CDK5: variants seen among roughly 807,000 people sequenced by gnomAD.
The protein encoded by CDK5 is cyclin-dependent kinase 5.
CDK5 carries 18 observed loss-of-function variants against 44.6 expected under a neutral mutation model. The observed-to-expected ratio is 0.40, with a 90% CI of 0.28 to 0.60. The LOEUF (loss-of-function observed/expected upper bound fraction) is 0.60, where lower values mean the gene tolerates loss of function less well. CDK5 is among the 20% of genes least tolerant of loss of function. CDK5 has a pLI of 0.38. For missense variants in CDK5, 198 were observed against 368.1 expected, an observed-to-expected ratio of 0.54 and a Z score of 3.78; for synonymous variants, 143 against 152.8, an observed-to-expected ratio of 0.94 and a Z score of 0.47.
At position 151,056,980 on chromosome 7, in the gene CDK5, A is replaced by G. The variant is rs1796910433; in HGVS notation, c.127-5T>C. The G allele has an allele frequency of 6.2e-7, 1 of 1,613,858 alleles. No individual in the cohort carries two copies. The highest frequency in any genetic ancestry group is 8.5e-7 in the Non-Finnish European group (1 of 1,179,882). On this transcript the variant is annotated splice_polypyrimidine_tract_variant and splice_region_variant and intron_variant, in intron 2 of 11. Transcript: ENST00000485972. This position sits in a 1 kb window ranked among gnomAD's most constrained non-coding sequence, Gnocchi z 4.7. ...GAGGGCGGAACTCGGCACACCCTGC[A>G]TATGTGAGGGGGCCGGTGGGCAGCA...
Position 151,056,655 on chromosome 7 carries a change from G to A in CDK5, c.256-19C>T, listed in dbSNP as rs761211846. The A allele has an allele frequency of 9.3e-6, 15 of 1,611,810 alleles. No individual in the cohort carries two copies. The African/African-American group carries it at 9.4e-5, about 10-fold the overall frequency. On this transcript the variant is annotated intron_variant, in intron 4 of 11. Coordinates refer to ENST00000485972, the MANE Select transcript of CDK5 (RefSeq NM_004935.4). This position sits in a 1 kb window ranked among gnomAD's most constrained non-coding sequence, Gnocchi z 4.7. ...TCAGGTCCTGAAAAGGGATATGAGT[G>A]GGGGAATGGGACAGAGTTTAACCTC...
chr7:151,055,964 C>G (rs1449636556), intron 5 of CDK5, 116 bp from the exon 6 acceptor site: 1 of 704,272 alleles, frequency 1.4e-6, no homozygotes, highest in Admixed American at 2.1e-5. Flanking sequence ...CCTTTCAGCA[C>G]CTGGTTCAGA....
In CDK5 at chr7:151,057,238, G is replaced by T; in HGVS notation, c.38-78C>A. ...CCAGGAAATGCCTCCTGAGAGAGGT[G>T]AAGGCAGCGTCTCAGTATGCAAGGG... is the stretch of plus-strand genomic sequence containing the variant. On this transcript the variant is annotated intron_variant, in intron 1 of 11. Transcript: ENST00000485972. This position sits in a 1 kb window ranked among gnomAD's most constrained non-coding sequence, Gnocchi z 5.2. 2 of 1,082,646 alleles carry T rather than the reference G, an allele frequency of 1.8e-6. No homozygotes were observed. The highest frequency in any genetic ancestry group is 2.9e-6 in the Non-Finnish European group (2 of 695,362). The allele number at this position is 1,082,646 out of a possible 1,614,324, so 67.1% of individuals were successfully genotyped here.
Position 151,056,990 on chromosome 7 carries a change from G to A in CDK5, c.127-15C>T, listed in dbSNP as rs754771314. On this transcript the variant is annotated splice_polypyrimidine_tract_variant and intron_variant, in intron 2 of 11. Transcript: ENST00000485972. This position sits in a 1 kb window ranked among gnomAD's most constrained non-coding sequence, Gnocchi z 4.7. ...CTCGGCACACCCTGCATATGTGAGG[G>A]GGCCGGTGGGCAGCAGTCAGATCCC... 6.2e-7 allele frequency: 1 copy of A among 1,613,884 alleles called. No homozygotes were observed. The highest frequency in any genetic ancestry group is 1.7e-5 in the Admixed American group (1 of 60,014).
chr7:151,057,766 G>A lies in CDK5; in HGVS notation c.37+46C>T. ...AGCCAGGGCTTCAAGGAATGCCGAA[G>A]GATCTGCAGAGGAGCTCTTGCAGGA... On this transcript the variant is annotated intron_variant, in intron 1 of 11. Coordinates refer to ENST00000485972, the MANE Select transcript of CDK5 (RefSeq NM_004935.4). This position sits in a 1 kb window ranked among gnomAD's most constrained non-coding sequence, Gnocchi z 5.2. The A allele has an allele frequency of 6.3e-7, 1 of 1,588,094 alleles. No homozygotes were observed. Among genetic ancestry groups the A allele is most frequent in the Non-Finnish European group, 8.6e-7 (1 of 1,163,224 alleles).
chr7:151,055,644 T>TA, intron 6 of CDK5, 38 bp from the exon 7 acceptor site: 1 of 1,596,572 alleles, frequency 6.3e-7, no homozygotes, highest in Non-Finnish European at 8.6e-7. Flanking sequence ...GAAGGGCCTT[T>TA]AAAAAGCCTT....
Position 151,054,243 on chromosome 7 carries a change from T to C in CDK5, c.761A>G (p.Lys254Arg). The change falls in exon 11 of 12, where the codon AAA becomes AGA. Residue 254 changes from lysine to arginine, a missense_variant. Transcript: ENST00000485972. The surrounding 1 kb of genome is among the most constrained non-coding windows in gnomAD (Gnocchi z 5.7). Reference sequence around the variant, plus strand: ...CAGATCCCTCCCTGTGGCATTGAGTTTGGGCACGACGTTCACCAGGGATGT... The same window carrying C: ...CAGATCCCTCCCTGTGGCATTGAGTCTGGGCACGACGTTCACCAGGGATGT... ...ATTSLVNVVP[K>R]LNATGRDLLQ... The C allele has an allele frequency of 1.9e-6, 3 of 1,613,504 alleles. No individual in the cohort carries two copies. Among genetic ancestry groups the C allele is most frequent in the Non-Finnish European group, 2.5e-6 (3 of 1,179,704 alleles).
Position 151,054,487 on chromosome 7 carries a change from A to G in CDK5, c.651-22T>C. 1 of 1,604,886 alleles carries G rather than the reference A, an allele frequency of 6.2e-7. No homozygotes were observed. ...CAGTGTGTCCACGGAGTCAAGGATC[A>G]CTTGGGAAAGGGCCACAGCTGCATC... On this transcript the variant is annotated intron_variant, in intron 9 of 11. Coordinates refer to ENST00000485972, the MANE Select transcript of CDK5 (RefSeq NM_004935.4). This position sits in a 1 kb window ranked among gnomAD's most constrained non-coding sequence, Gnocchi z 5.7.
chr7:151,055,201 C>T, intron 8 of CDK5, 76 bp downstream of exon 8: 2 of 1,559,408 alleles, frequency 1.3e-6, no homozygotes, highest in Non-Finnish European at 1.8e-6. Context: ...TCCCTTCCCC[C>T]AGAGGGGACC....
At chr7:151,055,683 C>G in intron 6 of CDK5, 70 bp downstream of exon 6, 1 of 1,534,082 alleles carries the variant, frequency 6.5e-7, no homozygotes, top group Non-Finnish European at 9.0e-7. Flanking sequence ...TCCTCCCAGT[C>G]CTCTTCCCTC....
Position 151,056,403 on chromosome 7 carries a change from C to T in CDK5, c.312+177G>A. 1.6e-6 allele frequency: 1 copy of T among 619,164 alleles called. No homozygotes were observed. Among genetic ancestry groups the T allele is most frequent in the South Asian group, 1.9e-5 (1 of 52,046 alleles). 38.4% of individuals were successfully genotyped at this position (619,164 alleles called of 1,614,324 possible). On this transcript the variant is annotated intron_variant, in intron 5 of 11. Coordinates refer to ENST00000485972, the MANE Select transcript of CDK5 (RefSeq NM_004935.4). This position sits in a 1 kb window ranked among gnomAD's most constrained non-coding sequence, Gnocchi z 4.7. The stretch of plus-strand genomic sequence containing the variant: ...TGACACTGTGCGGGTCAAAGATGAC[C>T]ACGTGAAAATGCTCACTAAGACTGG...
chr7:151,056,020 A>G lies in CDK5; in HGVS notation c.313-172T>C, dbSNP rs1796886602. On this transcript the variant is annotated intron_variant, in intron 5 of 11. Transcript: ENST00000485972. This position sits in a 1 kb window ranked among gnomAD's most constrained non-coding sequence, Gnocchi z 4.7. ...TCCAGGACCTGCTTTATACTGTGCTAGGCATTAGAGGGACCAAAGTAAAGA... is the reference window on the plus strand; with the variant it reads ...TCCAGGACCTGCTTTATACTGTGCTGGGCATTAGAGGGACCAAAGTAAAGA... The G allele has an allele frequency of 1.7e-6, 1 of 603,870 alleles. No homozygotes were observed. Among genetic ancestry groups the G allele is most frequent in the Middle Eastern group, 4.0e-4 (1 of 2,502 alleles). The allele number at this position is 603,870 out of a possible 1,614,324, so 37.4% of individuals were successfully genotyped here.
In CDK5 at chr7:151,056,264, A is replaced by T; in HGVS notation, c.312+316T>A. 1 of 542,170 alleles carries T rather than the reference A, an allele frequency of 1.8e-6. No homozygotes were observed. The highest frequency in any genetic ancestry group is 3.3e-5 in the Admixed American group (1 of 30,050). 33.6% of individuals were successfully genotyped at this position (542,170 alleles called of 1,614,324 possible). On this transcript the variant is annotated intron_variant, in intron 5 of 11. Transcript: ENST00000485972. The surrounding 1 kb of genome is among the most constrained non-coding windows in gnomAD (Gnocchi z 4.7). ...AAGGCATTTGGTCTTGGGCCTAGAA[A>T]AGCACCTGGCACACAGTGAAGCATT...
Position 151,054,998 on chromosome 7 carries a change from G to A in CDK5, c.650+29C>T, listed in dbSNP as rs1392155907. 6.2e-7 allele frequency: 1 copy of A among 1,610,748 alleles called. No individual in the cohort carries two copies. The highest frequency in any genetic ancestry group is 1.7e-5 in the Admixed American group (1 of 59,970). On this transcript the variant is annotated intron_variant, in intron 9 of 11. Coordinates refer to ENST00000485972, the MANE Select transcript of CDK5 (RefSeq NM_004935.4). This position sits in a 1 kb window ranked among gnomAD's most constrained non-coding sequence, Gnocchi z 5.7. ...ACTCCATGGACTCTCCCCTCCCAGA[G>A]GGCTCAAGGCAGAGGAAAGCAAGGA...
In CDK5 at chr7:151,056,872, G is replaced by C. The variant is rs1406624655; in HGVS notation, c.194+36C>G. On this transcript the variant is annotated intron_variant, in intron 3 of 11. Coordinates refer to ENST00000485972, the MANE Select transcript of CDK5 (RefSeq NM_004935.4). The surrounding 1 kb of genome is among the most constrained non-coding windows in gnomAD (Gnocchi z 4.7). Reference sequence around the variant, plus strand: ...GTGTCAGCCCCCGCCTCCCCCAAGCGGCCACACCGGCAAGGAGCACCCGCC... The same window carrying C: ...GTGTCAGCCCCCGCCTCCCCCAAGCCGCCACACCGGCAAGGAGCACCCGCC... 3.8e-6 allele frequency: 6 copies of C among 1,594,616 alleles called. No homozygotes were observed. Among genetic ancestry groups the C allele is most frequent in the Non-Finnish European group, 4.3e-6 (5 of 1,170,852 alleles).
chr7:151,054,332 AG>A lies in CDK5; in HGVS notation c.712-41del, dbSNP rs1287337587. On this transcript the variant is annotated intron_variant, in intron 10 of 11. Transcript: ENST00000485972. The surrounding 1 kb of genome is among the most constrained non-coding windows in gnomAD (Gnocchi z 5.7). The stretch of plus-strand genomic sequence containing the variant: ...GGAGGGTCAGACTAGAGGTAGGGGG[AG>A]GGGGATGGAGGCGCTAGGAATGTGA... 6.2e-7 allele frequency: 1 copy of A among 1,608,566 alleles called. No homozygotes were observed. Among genetic ancestry groups the A allele is most frequent in the East Asian group, 2.2e-5 (1 of 44,772 alleles).
rs1220205943 is a variant in CDK5, at chr7:151,056,567, C to T, written c.312+13G>A. 6.2e-7 allele frequency: 1 copy of T among 1,609,432 alleles called. No individual in the cohort carries two copies. Among genetic ancestry groups the T allele is most frequent in the Non-Finnish European group, 8.5e-7 (1 of 1,177,526 alleles). On this transcript the variant is annotated intron_variant, in intron 5 of 11. Coordinates refer to ENST00000485972, the MANE Select transcript of CDK5 (RefSeq NM_004935.4). The surrounding 1 kb of genome is among the most constrained non-coding windows in gnomAD (Gnocchi z 4.7). The stretch of plus-strand genomic sequence containing the variant: ...CCCCAGCCTGAGGGGTCCCCCAACA[C>T]CACTCTCCTCACCTTTACAATCTCA...
At position 151,054,961 on chromosome 7, in the gene CDK5, A is replaced by G. The variant is rs575900178; in HGVS notation, c.650+66T>C. The G allele has an allele frequency of 9.3e-6, 14 of 1,510,038 alleles. No homozygotes were observed. The highest frequency in any genetic ancestry group is 9.1e-5 in the South Asian group (8 of 88,134). The allele number at this position is 1,510,038 out of a possible 1,614,324, so 93.5% of individuals were successfully genotyped here. On this transcript the variant is annotated intron_variant, in intron 9 of 11. Transcript: ENST00000485972. The surrounding 1 kb of genome is among the most constrained non-coding windows in gnomAD (Gnocchi z 5.7). Reference sequence around the variant, plus strand: ...CCCCACACCATCACTGCCCTCACCCATTGTGCTCAAAACTCCATGGACTCT... The same window carrying G: ...CCCCACACCATCACTGCCCTCACCCGTTGTGCTCAAAACTCCATGGACTCT...
Position 151,057,168 on chromosome 7 carries a change from A to G in CDK5, c.38-8T>C, listed in dbSNP as rs1796915260. The G allele has an allele frequency of 6.2e-7, 1 of 1,611,690 alleles. No individual in the cohort carries two copies. Among genetic ancestry groups the G allele is most frequent in the Non-Finnish European group, 8.5e-7 (1 of 1,177,936 alleles). On this transcript the variant is annotated splice_polypyrimidine_tract_variant and splice_region_variant and intron_variant, in intron 1 of 11. Transcript: ENST00000485972. This position sits in a 1 kb window ranked among gnomAD's most constrained non-coding sequence, Gnocchi z 5.2. Reference sequence around the variant, plus strand: ...ACACAGTTCCGTAGGTGCCTAGGGGAAGGAGGTCAGGGGTCAGGGTGAGGA... The same window carrying G: ...ACACAGTTCCGTAGGTGCCTAGGGGGAGGAGGTCAGGGGTCAGGGTGAGGA...
Sources: gnomAD v4.1 joint callset for allele counts on GRCh38, gnomAD v4.1.1 for gene constraint, Gnocchi (gnomAD v3.1) non-coding constraint, MANE v1.5 for transcripts, NCBI Gene and HGNC (gene_info 2026-07-23, HGNC 2026-07-21) for gene names.